CCDC171: variants seen among roughly 807,000 people sequenced by gnomAD.
CCDC171 encodes the protein coiled-coil domain containing 171.
CCDC171 carries 177 observed loss-of-function variants against 168.2 expected under a neutral mutation model. The ratio of observed to expected loss-of-function variants is 1.05; its 90% CI spans 0.93 to 1.19. The LOEUF is 1.19. Ranked by LOEUF, CCDC171 falls within the 50% of genes most tolerant of loss-of-function variation. The probability of loss-of-function intolerance (pLI) is 0.00; values close to 1 mark genes in which losing one functional copy is unlikely to be tolerated. For missense variants in CCDC171, 1,991 were observed against 1,539.0 expected, an observed-to-expected ratio of 1.29 and a Z score of -4.91; for synonymous variants, 687 against 540.8, an observed-to-expected ratio of 1.27 and a Z score of -3.75.
intron 3 of CCDC171, among the ~76,000 whole-genome samples, chr9:15,577,987 A>G (rs1377485120): frequency 6.6e-6 from 1 of 152,242 alleles, no homozygotes. Context: ...CTACTTTGGA[A>G]GGATCACAAA....
intron 24 of CCDC171, among the ~76,000 whole-genome samples, chr9:15,887,424 A>AG (rs1292628017): frequency 2.0e-5 from 3 of 152,126 alleles, no homozygotes; most frequent in African/African-American, 7.2e-5. Flanking sequence ...GCTGACTAAA[A>AG]GGAGGCATAA....
chr9:15,555,192 G>A lies in CCDC171; in HGVS notation c.-112+1890G>A, dbSNP rs1005473266. Among the ~76,000 whole-genome samples the A allele has an allele frequency of 7.9e-5, 12 of 152,112 alleles. 1 individual carries two copies. The highest frequency in any genetic ancestry group is 1.3e-4 in the Admixed American group (2 of 15,268). On this transcript the variant is annotated intron_variant, in intron 1 of 25. Coordinates refer to ENST00000380701, the MANE Select transcript of CCDC171 (RefSeq NM_173550.4). The stretch of plus-strand genomic sequence containing the variant: ...TACCCTTTTATCTATTTTTAAAAAT[G>A]CTTCTCATTGATGAATGATACACAT...
At chr9:15,749,143 C>CAA (rs144579400) in intron 18 of CCDC171, among the ~76,000 whole-genome samples, 1 of 137,038 alleles carries the variant, frequency 7.3e-6, no homozygotes, top group Non-Finnish European at 1.6e-5. Context: ...AAATGGAAAG[C>CAA]AAAAAAAAAA....
intron 10 of CCDC171, among the ~76,000 whole-genome samples, chr9:15,684,147 G>A (rs1587944445): frequency 6.6e-6 from 1 of 152,066 alleles, no homozygotes; most frequent in Admixed American, 6.6e-5. Context: ...GGTGAGCTGT[G>A]AGGGTAAAAG....
At chr9:15,774,097 T>C (rs2057164175) in intron 18 of CCDC171, among the ~76,000 whole-genome samples, 1 of 151,468 alleles carries the variant, frequency 6.6e-6, no homozygotes, top group Non-Finnish European at 1.5e-5. Context: ...AATATAAAAA[T>C]TAGCTGGGTG....
In CCDC171 at chr9:15,667,385, C is replaced by T. The variant is rs149652376; in HGVS notation, c.1076+1062C>T. On this transcript the variant is annotated intron_variant, in intron 9 of 25. Coordinates refer to ENST00000380701, the MANE Select transcript of CCDC171 (RefSeq NM_173550.4). Reference sequence around the variant, plus strand: ...TATTGGCTGGGCACGGTGGCTTACACCTGTAATCCCAGCACTTTGGGAGGC... The same window carrying T: ...TATTGGCTGGGCACGGTGGCTTACATCTGTAATCCCAGCACTTTGGGAGGC... Among the ~76,000 whole-genome samples, 21 of 152,228 alleles carry T rather than the reference C, an allele frequency of 1.4e-4. No individual in the cohort carries two copies. In the East Asian group the frequency reaches 4.1e-3, roughly 29 times the overall value.
chr9:15,857,230 G>A (rs2061380659), intron 23 of CCDC171, among the ~76,000 whole-genome samples: 1 of 151,718 alleles, frequency 6.6e-6, no homozygotes. Context: ...TTTTTCATTT[G>A]ATGTAGTTTC....
chr9:15,758,870 C>A (rs1022760542), intron 18 of CCDC171, among the ~76,000 whole-genome samples: 3 of 152,108 alleles, frequency 2.0e-5, no homozygotes, highest in Non-Finnish European at 4.4e-5. Flanking sequence ...CATCTTCCAC[C>A]ATGATTGTGA....
intron 13 of CCDC171, 118 bp from the exon 14 acceptor site, chr9:15,724,658 C>T: frequency 3.1e-6 from 2 of 643,262 alleles, no homozygotes; most frequent in Non-Finnish European, 5.5e-6. Flanking sequence ...GCTTGCCTGC[C>T]TTTGTGATTC....
At chr9:15,813,247 T>C (rs2059431450) in intron 21 of CCDC171, among the ~76,000 whole-genome samples, 1 of 152,248 alleles carries the variant, frequency 6.6e-6, no homozygotes, top group Non-Finnish European at 1.5e-5. Flanking sequence ...ACAATAACTC[T>C]ATATTGTCTT....
intron 24 of CCDC171, among the ~76,000 whole-genome samples, chr9:15,877,395 G>A (rs1341898487): frequency 1.3e-5 from 2 of 151,990 alleles, no homozygotes; most frequent in Non-Finnish European, 2.9e-5. Flanking sequence ...TAAGGTGTAT[G>A]TATGTTTTAT....
chr9:15,684,297 A>G (rs1564204797), intron 10 of CCDC171, among the ~76,000 whole-genome samples: 1 of 152,154 alleles, frequency 6.6e-6, no homozygotes, highest in Non-Finnish European at 1.5e-5. Flanking sequence ...AGAACTATAT[A>G]TTAGTTGCAA....
intron 24 of CCDC171, among the ~76,000 whole-genome samples, chr9:15,879,431 T>C (rs1443327075): frequency 6.6e-6 from 1 of 152,198 alleles, no homozygotes; most frequent in East Asian, 1.9e-4. Context: ...CTTTTCTTTA[T>C]GTTGGGCATA....
rs374477498 is a variant in CCDC171 at position 15,579,001 on chromosome 9, T to C, written c.330T>C (p.His110=). 1.9e-6 allele frequency: 3 copies of C among 1,613,708 alleles called. No homozygotes were observed. The highest frequency in any genetic ancestry group is 1.7e-6 in the Non-Finnish European group (2 of 1,179,868). Residue 110 remains histidine, a synonymous_variant, in exon 4 of 26, where the codon CAT becomes CAC. Coordinates refer to ENST00000380701, the MANE Select transcript of CCDC171 (RefSeq NM_173550.4). The part of the protein sequence containing the change: ...RAAEERLAEA[H]RIQEKLCAQN... ...CTGAAGAAAGATTAGCCGAGGCACATAGGATCCAAGAAAAACTCTGTGGTA... is the reference window on the plus strand; with the variant it reads ...CTGAAGAAAGATTAGCCGAGGCACACAGGATCCAAGAAAAACTCTGTGGTA...
chr9:15,650,205 C>G (rs2132759556), intron 7 of CCDC171, among the ~76,000 whole-genome samples: 1 of 152,162 alleles, frequency 6.6e-6, no homozygotes, highest in Admixed American at 6.5e-5. Flanking sequence ...ACAATGAGAA[C>G]ACTTGGACAC....
At chr9:15,686,276 G>A (rs2050387070) in intron 10 of CCDC171, among the ~76,000 whole-genome samples, 1 of 152,074 alleles carries the variant, frequency 6.6e-6, no homozygotes. Context: ...TATTGATCTG[G>A]GTTTTAATCC....
At chr9:15,561,706 A>C (rs1487780021) in intron 1 of CCDC171, among the ~76,000 whole-genome samples, 1 of 152,132 alleles carries the variant, frequency 6.6e-6, no homozygotes, top group Non-Finnish European at 1.5e-5. Context: ...GTTCATATTC[A>C]GCCACTGACC....
intron 10 of CCDC171, among the ~76,000 whole-genome samples, chr9:15,680,146 A>G (rs550671811): frequency 5.8e-4 from 89 of 152,322 alleles, no homozygotes; most frequent in African/African-American, 1.7e-3. Flanking sequence ...ATATGAATGC[A>G]TTGAGGTTAA....
At chr9:15,797,703 C>G (rs1440472333) in intron 21 of CCDC171, among the ~76,000 whole-genome samples, 1 of 151,990 alleles carries the variant, frequency 6.6e-6, no homozygotes, top group African/African-American at 2.4e-5. Flanking sequence ...TATCCATATT[C>G]TAACTTTTAT....
Sources: allele counts gnomAD v4.1 joint callset (sites outside exome capture counted in the v4.1 genomes callset), GRCh38; gene constraint gnomAD v4.1.1; transcripts MANE v1.5; gene names NCBI Gene and HGNC (gene_info 2026-07-23, HGNC 2026-07-21).